SEC22A: variants seen among roughly 807,000 people sequenced by gnomAD.
The protein encoded by SEC22A is SEC22 homolog A, vesicle trafficking protein.
In SEC22A, 22 loss-of-function variants were observed where a neutral mutation model predicts 35.3. That is an observed-to-expected ratio of 0.62 (90% CI 0.45 to 0.89). The LOEUF (loss-of-function observed/expected upper bound fraction) is 0.89, where lower values mean the gene tolerates loss of function less well. Ranked by LOEUF, SEC22A falls within the 40% of genes least tolerant of loss-of-function variation. SEC22A has a pLI of 0.00. For synonymous variants in SEC22A, 119 were observed against 129.5 expected (o/e 0.92, Z 0.55); for missense variants, 354 against 362.5 (o/e 0.98, Z 0.19).
intron 4 of SEC22A, among the ~76,000 whole-genome samples, chr3:123,228,921 A>ACTGGCAGAAGAGTTAGCAG (rs1937264770): frequency 6.6e-6 from 1 of 152,218 alleles, no homozygotes; most frequent in Non-Finnish European, 1.5e-5. Context: ...AGAGTTAGCA[A>ACTGGCAGAAGAGTTAGCAG]TTTGAAGATA....
At chr3:123,213,210 A>G (rs998519422) in intron 2 of SEC22A, among the ~76,000 whole-genome samples, 1 of 152,198 alleles carries the variant, frequency 6.6e-6, no homozygotes, top group Non-Finnish European at 1.5e-5. Flanking sequence ...TATGTTTTCT[A>G]TCATTGATAA....
Position 123,271,944 on chromosome 3 carries a change from C to T in SEC22A, c.*222C>T, listed in dbSNP as rs574420050. 218 of 567,010 alleles carry T rather than the reference C, an allele frequency of 3.8e-4. 4 individuals are homozygous for T. In the South Asian group the frequency reaches 4.5e-3, roughly 12 times the overall value. The allele number at this position is 567,010 out of a possible 1,614,324, so 35.1% of individuals were successfully genotyped here. On this transcript the variant is annotated 3_prime_UTR_variant, in exon 7 of 7. Coordinates refer to ENST00000492595, the MANE Select transcript of SEC22A (RefSeq NM_012430.5). ...TATCATTCAGAGGAGGAGGGGATTTCTCTCTTCAAGGCCGTAACAGTGGAA... is the reference window on the plus strand; with the variant it reads ...TATCATTCAGAGGAGGAGGGGATTTTTCTCTTCAAGGCCGTAACAGTGGAA...
chr3:123,219,020 T>C (rs567534947), intron 2 of SEC22A, among the ~76,000 whole-genome samples: 1 of 152,210 alleles, frequency 6.6e-6, no homozygotes, highest in Admixed American at 6.5e-5. Flanking sequence ...TGCTATGATA[T>C]ACTGTAGGAG....
intron 4 of SEC22A, among the ~76,000 whole-genome samples, chr3:123,239,369 A>G (rs1015847411): frequency 6.6e-6 from 1 of 152,118 alleles, no homozygotes. Flanking sequence ...GTATATATAC[A>G]TGTGCTATGC....
At chr3:123,239,033 A>T (rs919919384) in intron 4 of SEC22A, among the ~76,000 whole-genome samples, 1 of 151,962 alleles carries the variant, frequency 6.6e-6, no homozygotes, top group Non-Finnish European at 1.5e-5. Context: ...TCATCCACTC[A>T]CTAATTTATT....
intron 5 of SEC22A, among the ~76,000 whole-genome samples, chr3:123,247,959 G>A (rs565063893): frequency 3.2e-4 from 49 of 152,226 alleles, no homozygotes; most frequent in Middle Eastern, 3.4e-3. Flanking sequence ...AAGAAAAATC[G>A]CGTGATCATA....
At chr3:123,261,420 C>G (rs749752631) in intron 6 of SEC22A, among the ~76,000 whole-genome samples, 6 of 152,120 alleles carry the variant, frequency 3.9e-5, no homozygotes, top group Non-Finnish European at 7.4e-5. Context: ...AGAGTCAGTA[C>G]TTAACTCTGG....
chr3:123,214,260 T>C (rs1022985338), intron 2 of SEC22A, among the ~76,000 whole-genome samples: 3 of 152,216 alleles, frequency 2.0e-5, no homozygotes, highest in African/African-American at 7.2e-5. Flanking sequence ...AGTTTTCTTC[T>C]CCTCTGTATT....
rs137893880 is a variant in SEC22A, at chr3:123,273,149, A to G, written c.*1427A>G. ...ATCATCCAGAAAAACAGATCCCATT[A>G]CATTGTAATTGTTGTTACTAGGCAT... On this transcript the variant is annotated 3_prime_UTR_variant, in exon 7 of 7. Transcript: ENST00000492595. 1 of 152,448 alleles carries G rather than the reference A, an allele frequency of 6.6e-6. No individual in the cohort carries two copies. Among genetic ancestry groups the G allele is most frequent in the Admixed American group, 6.5e-5 (1 of 15,300 alleles). 9.4% of individuals were successfully genotyped at this position (152,448 alleles called of 1,614,324 possible).
At chr3:123,269,687 C>T (rs1371335505) in intron 6 of SEC22A, among the ~76,000 whole-genome samples, 1 of 134,804 alleles carries the variant, frequency 7.4e-6, no homozygotes, top group Non-Finnish European at 1.5e-5. Flanking sequence ...GGCTGGAGTG[C>T]AGTGGTGTGA....
intron 2 of SEC22A, among the ~76,000 whole-genome samples, chr3:123,218,494 A>G (rs1262265027): frequency 2.0e-5 from 3 of 152,080 alleles, no homozygotes; most frequent in African/African-American, 7.2e-5. Flanking sequence ...GAGTAATGAC[A>G]GTGATAAAGG....
chr3:123,260,744 C>T (rs1425593817), intron 6 of SEC22A, among the ~76,000 whole-genome samples: 1 of 151,830 alleles, frequency 6.6e-6, no homozygotes, highest in Non-Finnish European at 1.5e-5. Context: ...TCTTTAGGGA[C>T]GTATTTTGAA....
At chr3:123,227,126 A>T (rs1028653672) in intron 4 of SEC22A, among the ~76,000 whole-genome samples, 1 of 152,124 alleles carries the variant, frequency 6.6e-6, no homozygotes, top group East Asian at 1.9e-4. Context: ...AATGATATAA[A>T]CTTTTGCTTA....
At chr3:123,209,908 A>C (rs975145403) in intron 2 of SEC22A, among the ~76,000 whole-genome samples, 1 of 152,204 alleles carries the variant, frequency 6.6e-6, no homozygotes, top group African/African-American at 2.4e-5. Flanking sequence ...AGGTAATTAT[A>C]TGAAGGATGC....
intron 6 of SEC22A, among the ~76,000 whole-genome samples, chr3:123,264,967 T>G (rs900015633): frequency 1.3e-5 from 2 of 152,030 alleles, no homozygotes; most frequent in African/African-American, 4.8e-5. Context: ...TCTAATTGGA[T>G]TCTTTGTTTT....
intron 2 of SEC22A, among the ~76,000 whole-genome samples, chr3:123,213,297 A>G (rs1421457681): frequency 6.6e-6 from 1 of 152,128 alleles, no homozygotes; most frequent in African/African-American, 2.4e-5. Flanking sequence ...AATGCGTAAA[A>G]TTGAGAATTT....
At chr3:123,205,849 T>C (rs1001092221) in intron 1 of SEC22A, among the ~76,000 whole-genome samples, 4 of 152,248 alleles carry the variant, frequency 2.6e-5, no homozygotes, top group African/African-American at 9.6e-5. Context: ...GGTAGGACTC[T>C]TCATTCCTGC....
At chr3:123,262,370 C>A (rs1937911756) in intron 6 of SEC22A, among the ~76,000 whole-genome samples, 3 of 152,168 alleles carry the variant, frequency 2.0e-5, no homozygotes, top group Admixed American at 1.3e-4. Flanking sequence ...AGTTGAAAAA[C>A]CAGTATACTT....
chr3:123,258,850 A>G (rs1418331990), intron 5 of SEC22A, among the ~76,000 whole-genome samples: 1 of 152,186 alleles, frequency 6.6e-6, no homozygotes, highest in Non-Finnish European at 1.5e-5. Flanking sequence ...TCGATAATGT[A>G]GATATTTAAG....
Sources: allele counts gnomAD v4.1 joint callset (sites outside exome capture counted in the v4.1 genomes callset), GRCh38; gene constraint gnomAD v4.1.1; transcripts MANE v1.5; gene names NCBI Gene and HGNC (gene_info 2026-07-23, HGNC 2026-07-21).